The following DNER variants were observed in gnomAD, a reference collection of about 807,000 sequenced individuals.
The protein encoded by DNER is delta/notch like EGF repeat containing.
Under a neutral mutation model 78.2 loss-of-function variants are expected in DNER, and 33 were observed. The observed-to-expected ratio is 0.42, with a 90% confidence interval of 0.32 to 0.56. The LOEUF (loss-of-function observed/expected upper bound fraction) is 0.56. Among genes scored for constraint, DNER ranks in the 20% least tolerant of loss-of-function variants. DNER has a pLI of 0.11. For missense variants in DNER, 918 were observed against 975.3 expected, an observed-to-expected ratio of 0.94 and a Z score of 0.78; for synonymous variants, 417 against 384.8, an observed-to-expected ratio of 1.08 and a Z score of -0.98.
rs1186145905 is a variant in DNER, at chr2:229,388,873, C to T, written c.1724-477G>A. On this transcript the variant is annotated intron_variant, in intron 10 of 12. Transcript: ENST00000341772. Reference sequence around the variant, plus strand: ...TCCAGAAAGCTGAAAACTCACAGTTCGTGATTATTCTGTAGCCAAGTATTT... The same window carrying T: ...TCCAGAAAGCTGAAAACTCACAGTTTGTGATTATTCTGTAGCCAAGTATTT... 5.3e-5 allele frequency among the ~76,000 whole-genome samples: 8 copies of T among 151,736 alleles called. No homozygotes were observed. In the South Asian group the frequency reaches 1.3e-3, roughly 24 times the overall value.
intron 4 of DNER, among the ~76,000 whole-genome samples, chr2:229,547,833 G>A (rs1230273821): frequency 2.6e-5 from 4 of 152,306 alleles, no homozygotes; most frequent in Non-Finnish European, 4.4e-5. Context: ...TTCATACATA[G>A]TAGGTAGCAA....
chr2:229,567,382 A>AT (rs1697130284), intron 4 of DNER, among the ~76,000 whole-genome samples: 1 of 152,202 alleles, frequency 6.6e-6, no homozygotes, highest in Non-Finnish European at 1.5e-5. Context: ...CTCAGAAAAC[A>AT]TTTTGAAAGG....
At chr2:229,526,668 A>ATCGGACAGGAGGCAGAGC (rs1696215935) in intron 5 of DNER, among the ~76,000 whole-genome samples, 1 of 152,208 alleles carries the variant, frequency 6.6e-6, no homozygotes, top group Non-Finnish European at 1.5e-5. Context: ...GCCTCCGCTG[A>ATCGGACAGGAGGCAGAGC]TCGGACAGGA....
intron 6 of DNER, among the ~76,000 whole-genome samples, chr2:229,494,284 T>C (rs1171728455): frequency 6.6e-6 from 1 of 152,216 alleles, no homozygotes; most frequent in African/African-American, 2.4e-5. Context: ...AAATCAGATA[T>C]GAATGAAACC....
At chr2:229,610,235 A>G (rs1178661093) in intron 1 of DNER, among the ~76,000 whole-genome samples, 1 of 152,234 alleles carries the variant, frequency 6.6e-6, no homozygotes, top group Non-Finnish European at 1.5e-5. Flanking sequence ...AGAGCAAATG[A>G]CACAGAAAAG....
intron 1 of DNER, among the ~76,000 whole-genome samples, chr2:229,612,323 G>A (rs771142102): frequency 3.3e-5 from 5 of 152,140 alleles, no homozygotes; most frequent in Non-Finnish European, 7.4e-5. Flanking sequence ...CCACTGTTGG[G>A]GATCAGACAT....
At chr2:229,565,620 A>G (rs1040096356) in intron 4 of DNER, among the ~76,000 whole-genome samples, 9 of 152,200 alleles carry the variant, frequency 5.9e-5, no homozygotes, top group African/African-American at 1.9e-4. Flanking sequence ...TTGAAGCAAA[A>G]TTTACAAGTA....
chr2:229,376,648 G>T (rs1400657086), intron 11 of DNER, among the ~76,000 whole-genome samples: 3 of 152,088 alleles, frequency 2.0e-5, no homozygotes, highest in Non-Finnish European at 2.9e-5. Flanking sequence ...GGTAGTGTGG[G>T]TGCACCTTCA....
intron 4 of DNER, among the ~76,000 whole-genome samples, chr2:229,563,557 G>A (rs796878699): frequency 0.043 from 1,980 of 45,640 alleles, 64 homozygotes; most frequent in African/African-American, 0.14. Context: ...CACCATCATC[G>A]TCATCATCCT....
In DNER at chr2:229,435,019, G is replaced by GA. The variant is rs1192817098; in HGVS notation, c.1486+12296dup. ...TTTAGGTTTAAGGTTATGGTAGATT[G>GA]AAAAAAAAATAGCTACAAGTTCTGT... On this transcript the variant is annotated intron_variant, in intron 8 of 12. Transcript: ENST00000341772. Among the ~76,000 whole-genome samples, 127 of 149,492 alleles carry GA rather than the reference G, an allele frequency of 8.5e-4. 1 individual carries two copies. The highest frequency in any genetic ancestry group is 3.9e-4 in the East Asian group (2 of 5,122).
intron 5 of DNER, among the ~76,000 whole-genome samples, chr2:229,513,218 G>T (rs968898634): frequency 1.3e-5 from 2 of 152,118 alleles, no homozygotes; most frequent in Non-Finnish European, 2.9e-5. Flanking sequence ...AGCTAAAATT[G>T]AAGTTTTGCT....
At chr2:229,496,034 C>T (rs1695493748) in intron 6 of DNER, among the ~76,000 whole-genome samples, 1 of 152,130 alleles carries the variant, frequency 6.6e-6, no homozygotes, top group South Asian at 2.1e-4. Flanking sequence ...TCCTAACTAC[C>T]CTTCTTGCTC....
intron 8 of DNER, among the ~76,000 whole-genome samples, chr2:229,437,457 A>G (rs1291066355): frequency 6.6e-6 from 1 of 152,252 alleles, no homozygotes; most frequent in African/African-American, 2.4e-5. Context: ...AGGTTGTTGT[A>G]TAAATCCAAA....
chr2:229,656,655 A>G (rs973801120), intron 1 of DNER, among the ~76,000 whole-genome samples: 3 of 152,180 alleles, frequency 2.0e-5, no homozygotes, highest in African/African-American at 7.2e-5. Flanking sequence ...CCACACTTCT[A>G]TTTATAACAC....
chr2:229,506,288 A>G (rs1011693007), intron 6 of DNER, among the ~76,000 whole-genome samples: 5 of 152,114 alleles, frequency 3.3e-5, no homozygotes, highest in African/African-American at 1.2e-4. Context: ...ACTGAGCAAA[A>G]CCATTATAAA....
chr2:229,522,630 C>A (rs1231463693), intron 5 of DNER, among the ~76,000 whole-genome samples: 2 of 152,146 alleles, frequency 1.3e-5, no homozygotes, highest in Non-Finnish European at 2.9e-5. Context: ...AAAAAAAATA[C>A]TTTAAGAAAT....
rs570952894 is a variant in DNER at position 229,628,551 on chromosome 2, C to A, written c.277-36663G>T. Among the ~76,000 whole-genome samples, 3 of 152,146 alleles carry A rather than the reference C, an allele frequency of 2.0e-5. No homozygotes were observed. In the East Asian group the frequency reaches 5.8e-4, roughly 29 times the overall value. Reference sequence around the variant, plus strand: ...TGTCCAAAAGATATCTTATAAGAACCCCAAAATATTCAACAGAAATAACCA... The same window carrying A: ...TGTCCAAAAGATATCTTATAAGAACACCAAAATATTCAACAGAAATAACCA... On this transcript the variant is annotated intron_variant, in intron 1 of 12. Transcript: ENST00000341772.
chr2:229,436,850 A>T lies in DNER; in HGVS notation c.1486+10466T>A, dbSNP rs145693470. On this transcript the variant is annotated intron_variant, in intron 8 of 12. Transcript: ENST00000341772. ...ACCGGCCACTACAAAAACACACTTAAGTACATAAAGCAGTGACACTATAAA... is the reference window on the plus strand; with the variant it reads ...ACCGGCCACTACAAAAACACACTTATGTACATAAAGCAGTGACACTATAAA... Among the ~76,000 whole-genome samples, 498 of 152,344 alleles carry T rather than the reference A, an allele frequency of 3.3e-3. 2 individuals are homozygous for T. The highest frequency in any genetic ancestry group is 5.3e-3 in the Non-Finnish European group (363 of 68,028).
chr2:229,607,579 TGAA>T (rs1444737890), intron 1 of DNER, among the ~76,000 whole-genome samples: 1 of 152,198 alleles, frequency 6.6e-6, no homozygotes, highest in African/African-American at 2.4e-5. Context: ...CAAGATAATT[TGAA>T]GAAGAATAAA....
Sources: allele counts gnomAD v4.1 joint callset (sites outside exome capture counted in the v4.1 genomes callset), GRCh38; gene constraint gnomAD v4.1.1; transcripts MANE v1.5; gene names NCBI Gene and HGNC (gene_info 2026-07-23, HGNC 2026-07-21).